The following ADAMTSL1 variants were observed in gnomAD, a reference collection of about 807,000 sequenced individuals.
ADAMTSL1 encodes ADAMTS like 1.
ADAMTSL1 carries 126 observed loss-of-function variants against 201.8 expected under a neutral mutation model. The ratio of observed to expected loss-of-function variants is 0.62; its 90% CI spans 0.54 to 0.72. The LOEUF (loss-of-function observed/expected upper bound fraction) is 0.72, where lower values mean the gene tolerates loss of function less well. ADAMTSL1 is among the 30% of genes least tolerant of loss of function. The pLI is 0.00. For synonymous variants in ADAMTSL1, 1,121 were observed against 903.4 expected, an observed-to-expected ratio of 1.24 and a Z score of -4.32; for missense variants, 2,679 against 2,277.8, an observed-to-expected ratio of 1.18 and a Z score of -3.59.
intron 1 of ADAMTSL1, among the ~76,000 whole-genome samples, chr9:17,951,543 A>G (rs7852048): frequency 0.013 from 1,901 of 151,708 alleles, 41 homozygotes; most frequent in African/African-American, 0.044. Context: ...TTCCTTGATT[A>G]TCTGTGAGGC....
chr9:18,545,311 G>C (rs1418209496), intron 3 of ADAMTSL1, among the ~76,000 whole-genome samples: 1 of 152,074 alleles, frequency 6.6e-6, no homozygotes, highest in Non-Finnish European at 1.5e-5. Flanking sequence ...GCTAAGGAGT[G>C]GTCCTGTCAG....
intron 13 of ADAMTSL1, among the ~76,000 whole-genome samples, chr9:18,701,000 T>C (rs1055678788): frequency 6.6e-6 from 1 of 152,124 alleles, no homozygotes; most frequent in Non-Finnish European, 1.5e-5. Flanking sequence ...TACAAATAGA[T>C]GCAAAATTGG....
intron 28 of ADAMTSL1, chr9:18,907,339 C>G (rs1055788167): frequency 5.5e-5 from 10 of 183,128 alleles, no homozygotes; most frequent in Non-Finnish European, 9.0e-5. Flanking sequence ...CCCATCACAC[C>G]TCTGCTTCTC....
intron 13 of ADAMTSL1, among the ~76,000 whole-genome samples, chr9:18,687,949 A>G (rs537492748): frequency 6.6e-6 from 1 of 152,242 alleles, no homozygotes; most frequent in South Asian, 2.1e-4. Flanking sequence ...ATTGGCTCAC[A>G]TGGTGGTAAT....
At chr9:17,978,218 G>A (rs146513311) in intron 1 of ADAMTSL1, among the ~76,000 whole-genome samples, 2,064 of 152,088 alleles carry the variant, frequency 0.014, 21 homozygotes, top group South Asian at 0.05. Flanking sequence ...TGTTTTGTAG[G>A]AGGCATATAG....
chr9:18,634,130 A>T (rs1826952931), intron 5 of ADAMTSL1, among the ~76,000 whole-genome samples: 1 of 152,198 alleles, frequency 6.6e-6, no homozygotes, highest in African/African-American at 2.4e-5. Flanking sequence ...AACTTCTGAG[A>T]TTCACTAATT....
chr9:18,731,349 C>T (rs895025528), intron 15 of ADAMTSL1, among the ~76,000 whole-genome samples: 1 of 152,144 alleles, frequency 6.6e-6, no homozygotes, highest in Non-Finnish European at 1.5e-5. Context: ...AGAGAAGAGG[C>T]ACTGGGTGTA....
intron 10 of ADAMTSL1, among the ~76,000 whole-genome samples, chr9:18,679,868 A>G (rs1830352230): frequency 6.6e-6 from 1 of 152,240 alleles, no homozygotes; most frequent in Non-Finnish European, 1.5e-5. Flanking sequence ...ATAAAGCATT[A>G]CATTGAAAAT....
intron 1 of ADAMTSL1, among the ~76,000 whole-genome samples, chr9:18,145,406 T>A (rs192729316): frequency 6.6e-6 from 1 of 152,326 alleles, no homozygotes; most frequent in East Asian, 1.9e-4. Flanking sequence ...TAATAACTCC[T>A]AGTGCTTTAC....
At chr9:18,125,188 A>G (rs1333550749) in intron 1 of ADAMTSL1, among the ~76,000 whole-genome samples, 4 of 152,192 alleles carry the variant, frequency 2.6e-5, no homozygotes, top group Admixed American at 6.5e-5. Context: ...GGTGGAAGGC[A>G]AGGAGGAGCA....
intron 1 of ADAMTSL1, among the ~76,000 whole-genome samples, chr9:17,922,354 C>T (rs972648724): frequency 2.0e-5 from 3 of 152,002 alleles, no homozygotes; most frequent in Non-Finnish European, 4.4e-5. Flanking sequence ...TTCAGTGTGC[C>T]TAAGTCAGTT....
chr9:18,681,524 G>T lies in ADAMTSL1; in HGVS notation c.1342-288G>T, dbSNP rs72688673. ...TCTTTTCTCCTTTCTTCTTTTTGGT[G>T]CTTGGTTTGAGACTTTGCACACAGT... On this transcript the variant is annotated intron_variant, in intron 11 of 28. Transcript: ENST00000380548. 1,641 of 194,782 alleles carry T rather than the reference G, an allele frequency of 8.4e-3. 12 individuals carry two copies. The highest frequency in any genetic ancestry group is 1.0e-2 in the Non-Finnish European group (953 of 95,530). 12.1% of individuals were successfully genotyped at this position (194,782 alleles called of 1,614,324 possible). A position where few individuals can be genotyped will look rare whatever the true frequency, so the allele number is the denominator to read the frequency against.
chr9:18,908,351 C>G, intron 28 of ADAMTSL1, 91 bp from the exon 29 acceptor site: 1 of 1,120,432 alleles, frequency 8.9e-7, no homozygotes, highest in Non-Finnish European at 1.3e-6. Context: ...TGGCTGAAAC[C>G]CCCGGCTGCA....
chr9:18,482,445 C>T (rs1035628987), intron 1 of ADAMTSL1, among the ~76,000 whole-genome samples: 1 of 152,166 alleles, frequency 6.6e-6, no homozygotes, highest in Non-Finnish European at 1.5e-5. Context: ...CCAGCTAAAG[C>T]TTTGGGTATT....
At chr9:18,001,194 A>G (rs565214418) in intron 1 of ADAMTSL1, among the ~76,000 whole-genome samples, 1 of 152,206 alleles carries the variant, frequency 6.6e-6, no homozygotes, top group African/African-American at 2.4e-5. Flanking sequence ...AAAAGGAAAA[A>G]AAAATTGATG....
intron 14 of ADAMTSL1, among the ~76,000 whole-genome samples, chr9:18,714,619 CA>C (rs886110902): frequency 4.2e-5 from 6 of 143,352 alleles, no homozygotes; most frequent in Non-Finnish European, 6.3e-5. Flanking sequence ...GCTTACCAAC[CA>C]AAAAGAGTCC....
intron 2 of ADAMTSL1, among the ~76,000 whole-genome samples, chr9:18,223,335 C>T (rs1443825551): frequency 6.6e-6 from 1 of 151,984 alleles, no homozygotes; most frequent in Non-Finnish European, 1.5e-5. Flanking sequence ...CTGAAAAATT[C>T]TGAAATCTGA....
At chr9:18,457,337 CT>C (rs111795472) in intron 2 of ADAMTSL1, among the ~76,000 whole-genome samples, 6,117 of 152,068 alleles carry the variant, frequency 0.04, 352 homozygotes, top group African/African-American at 0.13. Context: ...TAATTTCTTT[CT>C]TTTTTTGTTT....
intron 2 of ADAMTSL1, among the ~76,000 whole-genome samples, chr9:18,330,432 C>A (rs936277586): frequency 1.3e-5 from 2 of 151,930 alleles, no homozygotes; most frequent in African/African-American, 4.8e-5. Flanking sequence ...TGTGCTCCAT[C>A]ATAACCTTCT....
Sources: gnomAD v4.1 joint callset for allele counts (sites outside exome capture counted in the v4.1 genomes callset) on GRCh38, gnomAD v4.1.1 for gene constraint, MANE v1.5 for transcripts, NCBI Gene and HGNC (gene_info 2026-07-23, HGNC 2026-07-21) for gene names.